RPL7: variants seen among roughly 807,000 people sequenced by gnomAD.
The protein encoded by RPL7 is large ribosomal subunit protein uL30.
For missense variants in RPL7, 205 were observed against 301.9 expected (o/e 0.68, Z 2.38); for synonymous variants, 100 against 102.2 (o/e 0.98, Z 0.13).
At chr8:73,293,936 C>G (rs1409294885), upstream of RPL7, 1 of 311,770 alleles carries the variant, frequency 3.2e-6, no homozygotes, top group Non-Finnish European at 6.2e-6. Flanking sequence ...CCATAATGTT[C>G]CCAGGACGAG....
At chr8:73,292,851 T>G in intron 1 of RPL7, 54 bp from the exon 2 acceptor site, 4 of 1,309,946 alleles carry the variant, frequency 3.1e-6, no homozygotes, top group African/African-American at 1.5e-5. Context: ...CACAGCGCTG[T>G]ATTACTCCCG....
At chr8:73,292,426 ATTCATAATT>A (rs751654530) in intron 2 of RPL7, 21 bp from the exon 3 acceptor site, 1 of 1,580,268 alleles carries the variant, frequency 6.3e-7, no homozygotes, top group Admixed American at 1.8e-5. Context: ...ATAATCAGTT[ATTCATAATT>A]TTTAGCTCAA....
At position 73,293,630 on chromosome 8, in the gene RPL7, G is replaced by A. The variant is rs558106674; in HGVS notation, c.-18C>T. Reference sequence around the variant, plus strand: ...CCCTCCATGGTTCCAGCCGGAAAAAGAGGAAGTTGGCGCATGCGTACTGTC... The same window carrying A: ...CCCTCCATGGTTCCAGCCGGAAAAAAAGGAAGTTGGCGCATGCGTACTGTC... On this transcript the variant is annotated 5_prime_UTR_variant, in exon 1 of 7. Transcript: ENST00000352983. The A allele has an allele frequency of 5.1e-5, 82 of 1,613,552 alleles. 1 individual carries two copies. Among genetic ancestry groups the A allele is most frequent in the South Asian group, 2.1e-4 (19 of 90,992 alleles).
At position 73,292,337 on chromosome 8, in the gene RPL7, C is replaced by T. The variant is rs370437154; in HGVS notation, c.192G>A (p.Met64Ile). The T allele has an allele frequency of 1.9e-6, 3 of 1,606,506 alleles. No individual in the cohort carries two copies. Among genetic ancestry groups the T allele is most frequent in the African/African-American group, 2.7e-5 (2 of 74,996 alleles). The change falls in exon 3 of 7, where the codon ATG becomes ATA. Residue 64 changes from methionine to isoleucine, a missense_variant. Met to Ile is a conservative substitution (Grantham distance 10). Transcript: ENST00000352983. ...AKHYHKEYRQ[M>I]YRTEIRMARM... is the part of the protein sequence containing the mutation. ...TCGCCATTCGAATTTCAGTTCTGTA[C>T]ATCTGCCTATATTCCTTGTGATAGT...
chr8:73,291,735 A>T, intron 4 of RPL7, 38 bp downstream of exon 4: 1 of 1,592,810 alleles, frequency 6.3e-7, no homozygotes, highest in Non-Finnish European at 8.6e-7. Context: ...TACATAACCA[A>T]TTTATCAAAT....
At chr8:73,292,949 G>A (rs984407689) in intron 1 of RPL7, 152 bp from the exon 2 acceptor site, 25 of 529,412 alleles carry the variant, frequency 4.7e-5, no homozygotes, top group Non-Finnish European at 6.7e-5. Context: ...AGTGTACGAT[G>A]CATATTTTAG....
rs1398247113 is a variant in RPL7 at position 73,291,667 on chromosome 8, G to A, written c.429-6C>T. 1.9e-6 allele frequency: 3 copies of A among 1,591,440 alleles called. No individual in the cohort carries two copies. Among genetic ancestry groups the A allele is most frequent in the Non-Finnish European group, 2.6e-6 (3 of 1,161,932 alleles). On this transcript the variant is annotated splice_region_variant and splice_polypyrimidine_tract_variant and intron_variant, in intron 4 of 6. Coordinates refer to ENST00000352983, the MANE Select transcript of RPL7 (RefSeq NM_000971.4). ...CTGACTTCAGATTGGGGTACCTGAA[G>A]TGAAAAAGCAAACATAAATAAGGTG...
rs765123796 is a variant in RPL7 at position 73,292,421 on chromosome 8, CAGTT to C, written c.124-20_124-17del. 2.9e-5 allele frequency: 46 copies of C among 1,584,274 alleles called. 2 individuals are homozygous for C. In the South Asian group the frequency reaches 5.0e-4, roughly 17 times the overall value. ...CCTTTCGAAGCTGAAAACCAATAAT[CAGTT>C]ATTCATAATTTTTAGCTCAATCACA... On this transcript the variant is annotated splice_polypyrimidine_tract_variant and intron_variant, in intron 2 of 6. Transcript: ENST00000352983.
rs758670175 is a variant in RPL7 at position 73,292,778 on chromosome 8, G to C, written c.34C>G (p.Pro12Ala). Residue 12 changes from proline (P) to alanine (A), a missense_variant, in exon 2 of 7, where the codon CCT becomes GCT. Pro to Ala is a conservative substitution (Grantham distance 27). Coordinates refer to ENST00000352983, the MANE Select transcript of RPL7 (RefSeq NM_000971.4). Reference sequence around the variant, plus strand: ...TTCTTAAGGGTTTCTGGCACAGCAGGAACCTCCTTCTTCTTCTCTCTAACG... The same window carrying C: ...TTCTTAAGGGTTTCTGGCACAGCAGCAACCTCCTTCTTCTTCTCTCTAACG... ...EGVEEKKKEVPAVPETLKKKR... is the reference protein window; with the variant it reads ...EGVEEKKKEVAAVPETLKKKR... The C allele has an allele frequency of 6.2e-7, 1 of 1,611,572 alleles. No homozygotes were observed. The highest frequency in any genetic ancestry group is 8.5e-7 in the Non-Finnish European group (1 of 1,179,082).
rs747090327 is a variant in RPL7 at position 73,292,784 on chromosome 8, C to T, written c.28G>A (p.Glu10Lys). Residue 10 changes from glutamate (E) to lysine (K), a missense_variant, in exon 2 of 7, where the codon GAG becomes AAG. Coordinates refer to ENST00000352983, the MANE Select transcript of RPL7 (RefSeq NM_000971.4). ...AGGGTTTCTGGCACAGCAGGAACCT[C>T]CTTCTTCTTCTCTCTAACGTTAATA... MEGVEEKKK[E>K]VPAVPETLKK... 1.4e-5 allele frequency: 23 copies of T among 1,609,582 alleles called. No homozygotes were observed. Among genetic ancestry groups the T allele is most frequent in the Non-Finnish European group, 1.5e-5 (18 of 1,178,306 alleles).
chr8:73,291,494 A>G, intron 5 of RPL7, 58 bp downstream of exon 5: 1 of 1,254,750 alleles, frequency 8.0e-7, no homozygotes. Context: ...TACGGCCACA[A>G]GAGGGTAAGA....
intron 1 of RPL7, chr8:73,293,076 A>C: frequency 3.0e-6 from 1 of 327,910 alleles, no homozygotes; most frequent in Admixed American, 4.5e-5. Flanking sequence ...ACTAATTAAA[A>C]AAAAAAACAA....
intron 2 of RPL7, 140 bp downstream of exon 2, chr8:73,292,549 C>G: frequency 9.9e-7 from 1 of 1,012,692 alleles, no homozygotes; most frequent in Non-Finnish European, 1.5e-6. Flanking sequence ...AAAAACCCCA[C>G]TACCTTCAGA....
At chr8:73,291,969 A>C (rs1814107980) in intron 3 of RPL7, 59 bp from the exon 4 acceptor site, 1 of 1,590,076 alleles carries the variant, frequency 6.3e-7, no homozygotes, top group East Asian at 2.3e-5. Flanking sequence ...TATTAATACT[A>C]ACCATTATAG....
At chr8:73,294,019 C>G (rs1176791344), upstream of RPL7, 9 of 181,568 alleles carry the variant, frequency 5.0e-5, no homozygotes, top group Non-Finnish European at 1.1e-4. Context: ...AACGGCTGAC[C>G]AGGACCGCAG....
chr8:73,292,378 A>G lies in RPL7; in HGVS notation c.151T>C (p.Tyr51His). 6.3e-7 allele frequency: 1 copy of G among 1,597,658 alleles called. No homozygotes were observed. The highest frequency in any genetic ancestry group is 8.5e-7 in the Non-Finnish European group (1 of 1,177,656). The change falls in exon 3 of 7, where the codon TAT becomes CAT. Residue 51 changes from tyrosine to histidine, a missense_variant. Transcript: ENST00000352983. ...TTGTGATAGTGCTTTGCTTTTTCAT[A>G]GATAAGCTTCCTCCTTGCCTTTCGA... ...MLRKARRKLIYEKAKHYHKEY... is the reference protein window; with the variant it reads ...MLRKARRKLIHEKAKHYHKEY...
At position 73,292,900 on chromosome 8, in the gene RPL7, CTT is replaced by C. The variant is rs929180992; in HGVS notation, c.15-105_15-104del. 3 of 778,812 alleles carry C rather than the reference CTT, an allele frequency of 3.9e-6. No individual in the cohort carries two copies. In the African/African-American group the frequency reaches 5.2e-5, roughly 13 times the overall value. 48.2% of individuals were successfully genotyped at this position (778,812 alleles called of 1,614,324 possible). A position where few individuals can be genotyped will look rare whatever the true frequency, so the allele number is the denominator to read the frequency against. The stretch of plus-strand genomic sequence containing the variant: ...TGTTTACCAGAAATGCTGTCACTGA[CTT>C]TAGTCACTAGTAACTTTACTTGCTC... On this transcript the variant is annotated intron_variant, in intron 1 of 6. Transcript: ENST00000352983.
chr8:73,293,731 A>T (rs941935011), upstream of RPL7: 1 of 1,306,898 alleles, frequency 7.7e-7, no homozygotes, highest in African/African-American at 1.5e-5. Flanking sequence ...TCCAGAACTA[A>T]AAAGCCGCCT....
At chr8:73,293,412 C>T (rs985665413) in intron 1 of RPL7, 187 bp downstream of exon 1, 3 of 639,868 alleles carry the variant, frequency 4.7e-6, no homozygotes, top group African/African-American at 3.7e-5. Context: ...ATCTCCAAAA[C>T]CTCCGTCCTA....
Sources: gnomAD v4.1 joint callset for allele counts on GRCh38, gnomAD v4.1.1 for gene constraint, MANE v1.5 for transcripts, NCBI Gene and HGNC (gene_info 2026-07-23, HGNC 2026-07-21) for gene names.